Variants in RPS6KA5 observed in about 807,000 individuals in gnomAD.
The protein encoded by RPS6KA5 is ribosomal protein S6 kinase alpha-5.
RPS6KA5 carries 27 observed loss-of-function variants against 85.5 expected under a neutral mutation model. The observed-to-expected ratio is 0.32, with a 90% confidence interval of 0.23 to 0.44. The LOEUF (loss-of-function observed/expected upper bound fraction) is 0.44, where lower values mean the gene tolerates loss of function less well. Ranked by LOEUF, RPS6KA5 falls within the 20% of genes least tolerant of loss-of-function variation. The pLI is 1.00. For synonymous variants in RPS6KA5, 334 were observed against 348.2 expected (o/e 0.96, Z 0.46); for missense variants, 811 against 980.9 (o/e 0.83, Z 2.31).
intron 14 of RPS6KA5, among the ~76,000 whole-genome samples, chr14:90,877,069 C>A (rs942569773): frequency 5.3e-5 from 8 of 152,060 alleles, no homozygotes; most frequent in African/African-American, 1.9e-4. Flanking sequence ...ATGGAGAAGA[C>A]AGGAATAAGA....
At chr14:90,884,308 C>T (rs1324423570) in intron 14 of RPS6KA5, among the ~76,000 whole-genome samples, 1 of 152,140 alleles carries the variant, frequency 6.6e-6, no homozygotes, top group Non-Finnish European at 1.5e-5. Context: ...AACTTGTAAA[C>T]CCAAAATCCA....
At chr14:90,937,755 G>C (rs1396552879) in intron 5 of RPS6KA5, among the ~76,000 whole-genome samples, 2 of 152,154 alleles carry the variant, frequency 1.3e-5, no homozygotes, top group Admixed American at 6.5e-5. Context: ...TTTTTAAACA[G>C]TCAGATCTTG....
chr14:90,898,313 A>T (rs2034957080), intron 12 of RPS6KA5, among the ~76,000 whole-genome samples: 1 of 152,162 alleles, frequency 6.6e-6, no homozygotes, highest in Admixed American at 6.5e-5. Context: ...ACCACACAAG[A>T]TATGTGATAA....
intron 2 of RPS6KA5, among the ~76,000 whole-genome samples, chr14:90,993,434 C>T (rs1411543241): frequency 6.6e-6 from 1 of 151,622 alleles, no homozygotes; most frequent in African/African-American, 2.4e-5. Context: ...AGCAAGACTC[C>T]GTCTCAAAAA....
intron 1 of RPS6KA5, among the ~76,000 whole-genome samples, chr14:91,005,391 G>C (rs1276311643): frequency 1.3e-5 from 2 of 152,178 alleles, no homozygotes; most frequent in African/African-American, 4.8e-5. Flanking sequence ...GCAACCACAT[G>C]TTTTTGTTGT....
At chr14:90,970,611 CACT>C (rs532690007) in intron 3 of RPS6KA5, among the ~76,000 whole-genome samples, 125 of 152,238 alleles carry the variant, frequency 8.2e-4, no homozygotes, top group African/African-American at 2.9e-3. Context: ...ACAAAATCAC[CACT>C]AACAGAAACC....
chr14:90,989,194 C>T (rs2040197594), intron 2 of RPS6KA5, among the ~76,000 whole-genome samples: 1 of 152,088 alleles, frequency 6.6e-6, no homozygotes, highest in African/African-American at 2.4e-5. Flanking sequence ...AAACTTATAA[C>T]AACATTGTGA....
At chr14:91,052,445 A>G (rs1367077908) in intron 1 of RPS6KA5, 1 of 274,146 alleles carries the variant, frequency 3.6e-6, no homozygotes. Context: ...CAGCCTGGGC[A>G]ACAGAGTAGA....
intron 4 of RPS6KA5, among the ~76,000 whole-genome samples, chr14:90,944,988 A>T (rs969767577): frequency 7.3e-5 from 11 of 150,920 alleles, no homozygotes; most frequent in African/African-American, 2.2e-4. Flanking sequence ...TGGGTGGCCC[A>T]TGCCTGTAAT....
intron 1 of RPS6KA5, among the ~76,000 whole-genome samples, chr14:91,035,425 C>T (rs1036329838): frequency 2.0e-4 from 30 of 152,182 alleles, no homozygotes; most frequent in African/African-American, 6.7e-4. Context: ...AAGACAAAAT[C>T]ATCCCCCAGA....
intron 1 of RPS6KA5, among the ~76,000 whole-genome samples, chr14:91,004,933 G>A (rs1566853622): frequency 1.3e-5 from 2 of 151,492 alleles, no homozygotes; most frequent in South Asian, 2.1e-4. Context: ...GCGCGCCACT[G>A]CACTCCAGCT....
At chr14:91,024,487 A>T (rs2041913855) in intron 1 of RPS6KA5, among the ~76,000 whole-genome samples, 1 of 152,122 alleles carries the variant, frequency 6.6e-6, no homozygotes, top group South Asian at 2.1e-4. Context: ...ATTTCTAGGC[A>T]TTTATTACAC....
intron 8 of RPS6KA5, 98 bp from the exon 9 acceptor site, chr14:90,903,067 G>C (rs2035270929): frequency 9.9e-7 from 1 of 1,009,884 alleles, no homozygotes; most frequent in Non-Finnish European, 1.5e-6. Flanking sequence ...GGTAGGGAGA[G>C]AGGATAAAAA....
chr14:90,876,282 T>C (rs1167749898), intron 14 of RPS6KA5, among the ~76,000 whole-genome samples: 1 of 152,214 alleles, frequency 6.6e-6, no homozygotes, highest in African/African-American at 2.4e-5. Context: ...TTCTATTCCA[T>C]TTCCACCATC....
intron 2 of RPS6KA5, among the ~76,000 whole-genome samples, chr14:90,984,901 C>A (rs1330435403): frequency 6.6e-6 from 1 of 152,034 alleles, no homozygotes; most frequent in Non-Finnish European, 1.5e-5. Flanking sequence ...ATTTTATTTG[C>A]AAAATTTGAA....
At chr14:90,874,768 T>C (rs887379787) in intron 15 of RPS6KA5, among the ~76,000 whole-genome samples, 2 of 152,148 alleles carry the variant, frequency 1.3e-5, no homozygotes, top group Non-Finnish European at 2.9e-5. Context: ...GGGACCGGAC[T>C]GCTAGGAGCG....
At chr14:91,006,985 A>G (rs557244830) in intron 1 of RPS6KA5, among the ~76,000 whole-genome samples, 2 of 152,344 alleles carry the variant, frequency 1.3e-5, no homozygotes, top group South Asian at 2.1e-4. Context: ...TACTGCACCA[A>G]TGCAGCTTCT....
At chr14:90,874,972 G>C (rs1399393743) in intron 15 of RPS6KA5, among the ~76,000 whole-genome samples, 1 of 152,172 alleles carries the variant, frequency 6.6e-6, no homozygotes, top group Non-Finnish European at 1.5e-5. Context: ...AGATGTGCTT[G>C]ACTGAGATGC....
Position 91,020,614 on chromosome 14 carries a change from TTG to T in RPS6KA5, c.104-19457_104-19456del, listed in dbSNP as rs71117396. ...TGTGTATGTGTATGTATATATCCTATTGTGTGTGTGTGTGTGTGTGTGTGTGT... is the reference window on the plus strand; with the variant it reads ...TGTGTATGTGTATGTATATATCCTATTGTGTGTGTGTGTGTGTGTGTGTGT... On this transcript the variant is annotated intron_variant, in intron 1 of 16. Transcript: ENST00000614987. Among the ~76,000 whole-genome samples, 645 of 91,296 alleles carry T rather than the reference TTG, an allele frequency of 7.1e-3. 12 individuals carry two copies. The highest frequency in any genetic ancestry group is 0.015 in the African/African-American group (362 of 23,582). The allele number at this position is 91,296 out of a possible 152,430, so 59.9% of individuals were successfully genotyped here.
Sources: allele counts gnomAD v4.1 joint callset (sites outside exome capture counted in the v4.1 genomes callset), GRCh38; gene constraint gnomAD v4.1.1; transcripts MANE v1.5; gene names NCBI Gene and HGNC (gene_info 2026-07-23, HGNC 2026-07-21).